CD151: variants seen among roughly 807,000 people sequenced by gnomAD.
CD151 encodes CD151 antigen.
CD151 carries 20 observed loss-of-function variants against 34.2 expected under a neutral mutation model. The observed-to-expected ratio is 0.58, with a 90% confidence interval of 0.41 to 0.85. The LOEUF is 0.85. Ranked by LOEUF, CD151 falls within the 40% of genes least tolerant of loss-of-function variation. The pLI, the probability that CD151 is intolerant of heterozygous loss-of-function variation, is 0.00. For missense variants in CD151, 306 were observed against 324.5 expected, an observed-to-expected ratio of 0.94 and a Z score of 0.44; for synonymous variants, 157 against 131.7, an observed-to-expected ratio of 1.19 and a Z score of -1.32.
rs34726520 is a variant in CD151 at position 836,406 on chromosome 11, C to G, written c.240C>G (p.Cys80Trp). The G allele has an allele frequency of 2.5e-6, 4 of 1,611,320 alleles. No individual in the cohort carries two copies. In the African/African-American group the frequency reaches 5.3e-5, roughly 22 times the overall value. The change falls in exon 4 of 9, where the codon TGC becomes TGG. Residue 80 changes from cysteine to tryptophan, a missense_variant. Coordinates refer to ENST00000397420, the MANE Select transcript of CD151 (RefSeq NM_004357.5). ...TGGTGACTGGGGTCTTGGGCTGCTG[C>G]GCCACCTTCAAGGAGCGTCGGAACC... The part of the protein sequence containing the change: ...VVMVTGVLGC[C>W]ATFKERRNLL...
At chr11:836,476 G>A in intron 4 of CD151, 34 bp downstream of exon 4, 1 of 1,496,860 alleles carries the variant, frequency 6.7e-7, no homozygotes, top group Non-Finnish European at 9.1e-7. Context: ...GGTGGGGGTG[G>A]TGCAGATGGG....
chr11:836,030 G>A, intron 2 of CD151, 33 bp from the exon 3 acceptor site: 2 of 1,302,126 alleles, frequency 1.5e-6, no homozygotes, highest in Non-Finnish European at 2.2e-6. Context: ...GCCCGGTGCT[G>A]TGGCCCCGCT....
intron 1 of CD151, among the ~76,000 whole-genome samples, 169 bp downstream of exon 1, chr11:833,195 GCCCAGC>G (rs1565115080): frequency 1.0e-3 from 20 of 19,586 alleles, no homozygotes; most frequent in Non-Finnish European, 2.3e-3. Flanking sequence ...CCACCGCCTG[GCCCAGC>G]TCCCTCGCCT....
At chr11:837,647 G>T in intron 7 of CD151, 29 bp downstream of exon 7, 2 of 1,579,688 alleles carry the variant, frequency 1.3e-6, no homozygotes. Context: ...CATGCCTCCA[G>T]TGTCTACGAG....
chr11:838,732 C>A lies in CD151; in HGVS notation c.*540C>A. 3 of 166,424 alleles carry A rather than the reference C, an allele frequency of 1.8e-5. No individual in the cohort carries two copies. The highest frequency in any genetic ancestry group is 2.6e-5 in the Non-Finnish European group (2 of 76,104). 10.3% of individuals were successfully genotyped at this position (166,424 alleles called of 1,614,324 possible). A position where few individuals can be genotyped will look rare whatever the true frequency, so the allele number is the denominator to read the frequency against. On this transcript the variant is annotated 3_prime_UTR_variant, in exon 9 of 9. Coordinates refer to ENST00000397420, the MANE Select transcript of CD151 (RefSeq NM_004357.5). ...TGTGCACTGCCCTGTTCATGTGCCT[C>A]TGCGGGGCAGGGCCTTCCTGGTTTT...
intron 7 of CD151, 46 bp downstream of exon 7, chr11:837,664 G>C: frequency 2.0e-6 from 3 of 1,528,032 alleles, no homozygotes; most frequent in Admixed American, 3.7e-5. Context: ...CGAGGTGGTG[G>C]GGGGGCACCC....
chr11:837,507 G>C lies in CD151; in HGVS notation c.504G>C (p.Glu168Asp). ...SNNSQDWRDS[E>D]WIRSQEAGGR... ...ACTCACAGGACTGGCGAGACAGTGA[G>C]TGGATCCGCTCACAGGAGGCCGGTG... Residue 168 changes from glutamate to aspartate, a missense_variant, in exon 7 of 9, where the codon GAG (glutamate) becomes GAC (aspartate). By Grantham distance (45) the Glu-to-Asp change is conservative. Coordinates refer to ENST00000397420, the MANE Select transcript of CD151 (RefSeq NM_004357.5). 1 of 1,613,024 alleles carries C rather than the reference G, an allele frequency of 6.2e-7. No homozygotes were observed. Among genetic ancestry groups the C allele is most frequent in the Non-Finnish European group, 8.5e-7 (1 of 1,179,982 alleles).
chr11:836,987 G>A, intron 5 of CD151, 144 bp downstream of exon 5: 1 of 752,366 alleles, frequency 1.3e-6, no homozygotes, highest in Non-Finnish European at 2.3e-6. Context: ...TGGAGATGGG[G>A]TCTAGGTCTC....
intron 2 of CD151, chr11:835,686 ATTAT>A (rs903617458): frequency 2.5e-4 from 43 of 169,996 alleles, no homozygotes; most frequent in South Asian, 9.9e-4. Flanking sequence ...GTCTCTTTTT[ATTAT>A]TTATTTATTT....
At position 836,279 on chromosome 11, in the gene CD151, G is replaced by A. The variant is rs750755109; in HGVS notation, c.113G>A (p.Gly38Asp). Reference sequence around the variant, plus strand: ...GCTGGCCTGGCTGTCATGGCAGTGGGCATCTGGACGCTGGCCCTCAAGAGT... The same window carrying A: ...GCTGGCCTGGCTGTCATGGCAGTGGACATCTGGACGCTGGCCCTCAAGAGT... ...WLAGLAVMAV[G>D]IWTLALKSDY... Residue 38 changes from glycine to aspartate, a missense_variant, in exon 4 of 9, where the codon GGC becomes GAC. By Grantham distance (94) the Gly-to-Asp change is moderately conservative (BLOSUM62 -1). Coordinates refer to ENST00000397420, the MANE Select transcript of CD151 (RefSeq NM_004357.5). 2 of 1,612,652 alleles carry A rather than the reference G, an allele frequency of 1.2e-6. No individual in the cohort carries two copies. Among genetic ancestry groups the A allele is most frequent in the Non-Finnish European group, 8.5e-7 (1 of 1,179,856 alleles).
chr11:837,406 C>T (rs1194389994), intron 6 of CD151, 52 bp downstream of exon 6: 1 of 1,610,680 alleles, frequency 6.2e-7, no homozygotes, highest in African/African-American at 1.3e-5. Flanking sequence ...CTCCCTGGAC[C>T]TCTGCAGGAG....
Position 838,151 on chromosome 11 carries a change from A to C in CD151, c.721A>C (p.Thr241Pro). The change falls in exon 9 of 9, where the codon ACG becomes CCG. Residue 241 changes from threonine to proline, a missense_variant. Coordinates refer to ENST00000397420, the MANE Select transcript of CD151 (RefSeq NM_004357.5). ...CACACAGGTCTTTGGCATGATCTTC[A>C]CGTGCTGCCTGTACAGGAGTCTCAA... is the stretch of plus-strand genomic sequence containing the variant. ...ACVQVFGMIF[T>P]CCLYRSLKLE... 1 of 1,613,266 alleles carries C rather than the reference A, an allele frequency of 6.2e-7. No individual in the cohort carries two copies. The highest frequency in any genetic ancestry group is 8.5e-7 in the Non-Finnish European group (1 of 1,179,900).
At chr11:836,009 C>T in intron 2 of CD151, 54 bp from the exon 3 acceptor site, 3 of 1,086,546 alleles carry the variant, frequency 2.8e-6, no homozygotes, top group Middle Eastern at 2.0e-4. Flanking sequence ...CTATCCGTCT[C>T]CCAGTCAGGG....
chr11:836,717 G>T, intron 4 of CD151, 52 bp from the exon 5 acceptor site: 1 of 1,561,172 alleles, frequency 6.4e-7, no homozygotes, highest in Non-Finnish European at 8.8e-7. Context: ...AGGTGCACTA[G>T]GTCTAGGCAC....
At chr11:834,944 G>A (rs1846693403) in intron 2 of CD151, 1 of 152,426 alleles carries the variant, frequency 6.6e-6, no homozygotes, top group Non-Finnish European at 1.5e-5. Flanking sequence ...GGAGAGCTTA[G>A]GAAGGGGCTG....
At chr11:835,832 C>T (rs548921717) in intron 2 of CD151, 37 of 466,412 alleles carry the variant, frequency 7.9e-5, no homozygotes, top group Middle Eastern at 6.1e-4. Flanking sequence ...GGACTACAGG[C>T]GCCCGCCACC....
Position 838,611 on chromosome 11 carries a change from C to T in CD151, c.*419C>T, listed in dbSNP as rs1214896606. 5 of 257,274 alleles carry T rather than the reference C, an allele frequency of 1.9e-5. No individual in the cohort carries two copies. The highest frequency in any genetic ancestry group is 3.8e-5 in the Non-Finnish European group (5 of 131,182). 15.9% of individuals were successfully genotyped at this position (257,274 alleles called of 1,614,324 possible). ...GTGAGCTCTGACCCTTGGGCCTGGGCCTCTGCCCCTCCCAACCCAGCCCTC... is the reference window on the plus strand; with the variant it reads ...GTGAGCTCTGACCCTTGGGCCTGGGTCTCTGCCCCTCCCAACCCAGCCCTC... On this transcript the variant is annotated 3_prime_UTR_variant, in exon 9 of 9. Coordinates refer to ENST00000397420, the MANE Select transcript of CD151 (RefSeq NM_004357.5).
chr11:837,598 T>G lies in CD151; in HGVS notation c.595T>G (p.Ser199Ala), dbSNP rs1247184808. Residue 199 changes from serine to alanine, a missense_variant, in exon 7 of 9, where the codon TCC becomes GCC. Coordinates refer to ENST00000397420, the MANE Select transcript of CD151 (RefSeq NM_004357.5). ...VALCGQRDHA[S>A]NIYKVEGGCI... Reference sequence around the variant, plus strand: ...TCTTTGTGGGCAGCGAGACCATGCCTCCAACATCTACAAGGTGGAGGTGGG... The same window carrying G: ...TCTTTGTGGGCAGCGAGACCATGCCGCCAACATCTACAAGGTGGAGGTGGG... 6.2e-7 allele frequency: 1 copy of G among 1,612,226 alleles called. No homozygotes were observed. The highest frequency in any genetic ancestry group is 1.1e-5 in the South Asian group (1 of 90,998).
Position 836,172 on chromosome 11 carries a change from G to GCCCCC in CD151, c.84+20_84+24dup. ...CTTCTGGGTGAGGAGGGGTCGCCTT[G>GCCCCC]CCCCCACCCCCACCCCCACCCCTCC... On this transcript the variant is annotated intron_variant, in intron 3 of 8. Coordinates refer to ENST00000397420, the MANE Select transcript of CD151 (RefSeq NM_004357.5). The GCCCCC allele has an allele frequency of 1.3e-6, 2 of 1,547,476 alleles. No individual in the cohort carries two copies. Among genetic ancestry groups the GCCCCC allele is most frequent in the Non-Finnish European group, 1.8e-6 (2 of 1,121,552 alleles).
Sources: gnomAD v4.1 joint callset for allele counts (sites outside exome capture counted in the v4.1 genomes callset) on GRCh38, gnomAD v4.1.1 for gene constraint, MANE v1.5 for transcripts, NCBI Gene and HGNC (gene_info 2026-07-23, HGNC 2026-07-21) for gene names.